Variants in TC2N observed in about 807,000 individuals in gnomAD.
TC2N encodes the protein tandem C2 domains, nuclear.
A neutral mutation model predicts 61.9 loss-of-function variants in TC2N; 51 were observed. That is an observed-to-expected ratio of 0.82 (90% confidence interval 0.66 to 1.04). The LOEUF (loss-of-function observed/expected upper bound fraction) is 1.04, where lower values mean the gene tolerates loss of function less well. Among genes scored for constraint, TC2N ranks in the 50% least tolerant of loss-of-function variants. TC2N has a pLI of 0.00. For missense variants in TC2N, 556 were observed against 566.7 expected (o/e 0.98, Z 0.19); for synonymous variants, 204 against 192.6 (o/e 1.06, Z -0.49).
intron 1 of TC2N, among the ~76,000 whole-genome samples, chr14:91,816,813 C>T (rs1465334733): frequency 1.3e-5 from 2 of 151,890 alleles, no homozygotes; most frequent in Admixed American, 1.3e-4. Context: ...CCCTTTAGTA[C>T]ACATTAAATT....
chr14:91,813,709 G>GT lies in TC2N; in HGVS notation c.60dup (p.His21ThrfsTer10). On this transcript the variant is annotated frameshift_variant, in exon 2 of 12. Transcript: ENST00000435962. LOFTEE classifies it high-confidence loss of function. ...AAGTCAAAATAAAACTCACAGTTGTGTTTTTCTGTTTCACCATAGAAACAT... is the reference window on the plus strand; with the variant it reads ...AAGTCAAAATAAAACTCACAGTTGTGTTTTTTCTGTTTCACCATAGAAACAT... 6.2e-7 allele frequency: 1 copy of GT among 1,602,498 alleles called. No individual in the cohort carries two copies. Among genetic ancestry groups the GT allele is most frequent in the Non-Finnish European group, 8.5e-7 (1 of 1,171,344 alleles).
chr14:91,852,471 A>G (rs1194090495), intron 1 of TC2N, among the ~76,000 whole-genome samples: 1 of 152,160 alleles, frequency 6.6e-6, no homozygotes, highest in East Asian at 1.9e-4. Flanking sequence ...TAACTTTTTC[A>G]ATCGGGAAAC....
At chr14:91,807,383 C>G (rs1430855208) in intron 3 of TC2N, among the ~76,000 whole-genome samples, 1 of 152,178 alleles carries the variant, frequency 6.6e-6, no homozygotes, top group Non-Finnish European at 1.5e-5. Flanking sequence ...CAACACCAGC[C>G]CGTGAAAGCA....
At chr14:91,807,574 T>G (rs564014651) in intron 3 of TC2N, among the ~76,000 whole-genome samples, 1 of 152,366 alleles carries the variant, frequency 6.6e-6, no homozygotes, top group South Asian at 2.1e-4. Context: ...CTTAGCCCCT[T>G]CATTTCAGCC....
At chr14:91,845,084 C>T (rs890426946) in intron 1 of TC2N, among the ~76,000 whole-genome samples, 10 of 151,902 alleles carry the variant, frequency 6.6e-5, no homozygotes, top group African/African-American at 1.9e-4. Context: ...AAAAATTAGC[C>T]GGGTGACGTG....
At chr14:91,864,181 T>C (rs891493180) in intron 1 of TC2N, among the ~76,000 whole-genome samples, 7 of 152,194 alleles carry the variant, frequency 4.6e-5, no homozygotes, top group Non-Finnish European at 1.0e-4. Flanking sequence ...ACCAAACATC[T>C]CGCAACTCTA....
chr14:91,859,502 A>G (rs1454940144), intron 1 of TC2N, among the ~76,000 whole-genome samples: 2 of 152,032 alleles, frequency 1.3e-5, no homozygotes, highest in Non-Finnish European at 2.9e-5. Context: ...CCATCATCAC[A>G]TTCTACTCAA....
chr14:91,839,761 A>G (rs1374201838), intron 1 of TC2N, among the ~76,000 whole-genome samples: 1 of 152,190 alleles, frequency 6.6e-6, no homozygotes, highest in Non-Finnish European at 1.5e-5. Context: ...AAGCCTATAC[A>G]TATTCATTCA....
intron 1 of TC2N, among the ~76,000 whole-genome samples, chr14:91,840,740 A>G (rs1888148361): frequency 6.6e-6 from 1 of 152,250 alleles, no homozygotes; most frequent in South Asian, 2.1e-4. Context: ...CACAGGATAC[A>G]TAGTTGAATA....
intron 1 of TC2N, among the ~76,000 whole-genome samples, chr14:91,857,948 T>A (rs1888513698): frequency 6.6e-6 from 1 of 150,758 alleles, no homozygotes; most frequent in African/African-American, 2.4e-5. Flanking sequence ...AATATTTGGG[T>A]TTTTGTTGTT....
intron 3 of TC2N, among the ~76,000 whole-genome samples, chr14:91,810,421 G>A (rs1363977803): frequency 6.6e-6 from 1 of 152,102 alleles, no homozygotes; most frequent in South Asian, 2.1e-4. Context: ...GAGAAAGGGA[G>A]GAAAGAAGGA....
chr14:91,834,466 TTTC>T (rs1219405368), intron 1 of TC2N, among the ~76,000 whole-genome samples: 1 of 152,168 alleles, frequency 6.6e-6, no homozygotes, highest in East Asian at 1.9e-4. Flanking sequence ...TCTTTTTTCT[TTTC>T]TTTTCTTTTT....
intron 3 of TC2N, among the ~76,000 whole-genome samples, chr14:91,807,031 C>A (rs560105505): frequency 6.6e-6 from 1 of 152,236 alleles, no homozygotes; most frequent in Non-Finnish European, 1.5e-5. Context: ...TGGGCCATGG[C>A]TTCAGAGGGT....
At chr14:91,865,987 C>T (rs991758369) in intron 1 of TC2N, among the ~76,000 whole-genome samples, 43 of 152,102 alleles carry the variant, frequency 2.8e-4, no homozygotes, top group South Asian at 4.2e-4. Flanking sequence ...ATAAAGTTAT[C>T]GGTGGACTGT....
intron 1 of TC2N, among the ~76,000 whole-genome samples, 164 bp from the exon 2 acceptor site, chr14:91,813,989 C>A (rs957627656): frequency 6.6e-6 from 1 of 151,348 alleles, no homozygotes; most frequent in Non-Finnish European, 1.5e-5. Context: ...TTCTGTATAA[C>A]TTATTTGTAA....
chr14:91,809,315 T>C (rs1841923020), intron 3 of TC2N, among the ~76,000 whole-genome samples: 1 of 152,012 alleles, frequency 6.6e-6, no homozygotes, highest in Non-Finnish European at 1.5e-5. Flanking sequence ...GGCTGAGGCA[T>C]GAGAATTGTT....
At chr14:91,801,007 CATATATACATATATATACACACACAT>C (rs1886213597) in intron 4 of TC2N, among the ~76,000 whole-genome samples, 2 of 150,420 alleles carry the variant, frequency 1.3e-5, no homozygotes, top group African/African-American at 4.9e-5. Context: ...CATATGTATA[CATATATACATATATATACACACACAT>C]ATGTATACAT....
In TC2N at chr14:91,799,028, A is replaced by G; in HGVS notation, c.598T>C (p.Ser200Pro). 3 of 1,598,492 alleles carry G rather than the reference A, an allele frequency of 1.9e-6. No individual in the cohort carries two copies. Among genetic ancestry groups the G allele is most frequent in the Non-Finnish European group, 2.6e-6 (3 of 1,173,744 alleles). ...CTCCCCTGAGAATTTTTCCTTGAAG[A>G]AGAACTACTGGGTACACTGGACAAT... is the stretch of plus-strand genomic sequence containing the variant. ...DSLSSVPSSSSSRKNSQGSNR... is the reference protein window; with the variant it reads ...DSLSSVPSSSPSRKNSQGSNR... Residue 200 changes from serine to proline, a missense_variant, in exon 6 of 12, where the codon TCT becomes CCT. Ser to Pro is a moderately conservative substitution (Grantham distance 74). Transcript: ENST00000435962.
At chr14:91,842,960 G>A (rs1029830922) in intron 1 of TC2N, among the ~76,000 whole-genome samples, 8 of 152,112 alleles carry the variant, frequency 5.3e-5, no homozygotes, top group African/African-American at 1.2e-4. Context: ...TTCCCTACCC[G>A]TTGATTTTGG....
Sources: allele counts gnomAD v4.1 joint callset (sites outside exome capture counted in the v4.1 genomes callset), GRCh38; gene constraint gnomAD v4.1.1; transcripts MANE v1.5; gene names NCBI Gene and HGNC (gene_info 2026-07-23, HGNC 2026-07-21).